The following SMIM36 variants were observed in gnomAD, a reference collection of about 807,000 sequenced individuals.
SMIM36 encodes small integral membrane protein 36.
chr17:55,463,951 A>G (rs1445090473), intron 4 of SMIM36, among the ~76,000 whole-genome samples: 1 of 152,106 alleles, frequency 6.6e-6, no homozygotes, highest in Non-Finnish European at 1.5e-5. Context: ...CCCAGACTCT[A>G]CTAAAAATAC....
At chr17:55,471,276 C>A (rs12051854) in intron 3 of SMIM36, among the ~76,000 whole-genome samples, 76,905 of 151,614 alleles carry the variant, frequency 0.51, 19,865 homozygotes, top group African/African-American at 0.58. Flanking sequence ...CGCCTGTCTG[C>A]CTCCCATCTT....
chr17:55,526,920 G>A, the SMIM36 span: 1 of 152,082 alleles, frequency 6.6e-6, no homozygotes, highest in Admixed American at 6.5e-5. Flanking sequence ...CAAGCCTCAG[G>A]GCTCAACGGT....
At chr17:55,496,085 AT>A (rs1909802104) in intron 1 of SMIM36, among the ~76,000 whole-genome samples, 1 of 152,136 alleles carries the variant, frequency 6.6e-6, no homozygotes, top group Non-Finnish European at 1.5e-5. Flanking sequence ...TCACAGATAC[AT>A]TTCCTTATAA....
chr17:55,521,768 C>G, the SMIM36 span, among the ~76,000 whole-genome samples: 13 of 152,052 alleles, frequency 8.5e-5, no homozygotes, highest in East Asian at 3.9e-4. Flanking sequence ...GAGGTGCAAG[C>G]ACCATATGGA....
the SMIM36 span, among the ~76,000 whole-genome samples, chr17:55,523,868 G>A: frequency 6.6e-6 from 1 of 151,898 alleles, no homozygotes; most frequent in Non-Finnish European, 1.5e-5. Context: ...CAAGTTTTGA[G>A]GATAACATAT....
At chr17:55,525,209 C>T in the SMIM36 span, among the ~76,000 whole-genome samples, 3 of 152,194 alleles carry the variant, frequency 2.0e-5, no homozygotes, top group Non-Finnish European at 4.4e-5. Flanking sequence ...TTAGCACCAA[C>T]CTACTTTTCA....
chr17:55,501,268 T>C (rs1223042452), intron 1 of SMIM36, among the ~76,000 whole-genome samples: 1 of 75,640 alleles, frequency 1.3e-5, no homozygotes, highest in East Asian at 3.9e-4. Flanking sequence ...TATTTTATAA[T>C]ATATTATATT....
intron 1 of SMIM36, among the ~76,000 whole-genome samples, chr17:55,507,785 G>T (rs554169714): frequency 3.5e-4 from 53 of 151,846 alleles, no homozygotes; most frequent in Non-Finnish European, 6.2e-4. Context: ...TTGCGCATGC[G>T]CACTTTACCT....
At chr17:55,498,999 C>CAAAAAAA (rs60117513) in intron 1 of SMIM36, among the ~76,000 whole-genome samples, 4 of 67,044 alleles carry the variant, frequency 6.0e-5, no homozygotes, top group Non-Finnish European at 8.9e-5. Flanking sequence ...ACTCTGTCAC[C>CAAAAAAA]AAAAAAAAAA....
intron 1 of SMIM36, among the ~76,000 whole-genome samples, chr17:55,498,467 C>T (rs1195772608): frequency 6.6e-6 from 1 of 152,102 alleles, no homozygotes; most frequent in African/African-American, 2.4e-5. Context: ...TCATGAAGTC[C>T]TCTACTTATT....
chr17:55,524,569 C>T, the SMIM36 span, among the ~76,000 whole-genome samples: 2 of 152,182 alleles, frequency 1.3e-5, no homozygotes, highest in African/African-American at 4.8e-5. Flanking sequence ...TCTCTGCAAC[C>T]TGGCCAGCAT....
intron 1 of SMIM36, among the ~76,000 whole-genome samples, chr17:55,489,851 T>A (rs9892739): frequency 0.024 from 1,362 of 56,124 alleles, 10 homozygotes; most frequent in African/African-American, 0.08. Flanking sequence ...TATTGCTCGG[T>A]TTTTTTTTGT....
intron 3 of SMIM36, among the ~76,000 whole-genome samples, chr17:55,470,889 A>G (rs1421220782): frequency 6.6e-6 from 1 of 152,078 alleles, no homozygotes; most frequent in Non-Finnish European, 1.5e-5. Flanking sequence ...CTGTTACAAC[A>G]TGGCCTCTTA....
chr17:55,528,731 G>T, the SMIM36 span, among the ~76,000 whole-genome samples: 8 of 151,806 alleles, frequency 5.3e-5, no homozygotes, highest in African/African-American at 1.9e-4. Flanking sequence ...TGTATTTTTA[G>T]TAGAGACAGG....
chr17:55,489,056 A>G (rs115900523), intron 1 of SMIM36, among the ~76,000 whole-genome samples: 61 of 152,244 alleles, frequency 4.0e-4, no homozygotes, highest in African/African-American at 1.4e-3. Flanking sequence ...ACAATAGGGA[A>G]ACTGCAGTAC....
At chr17:55,526,508 A>G in the SMIM36 span, among the ~76,000 whole-genome samples, 4 of 152,106 alleles carry the variant, frequency 2.6e-5, no homozygotes, top group Non-Finnish European at 4.4e-5. Flanking sequence ...AATGAAGCCT[A>G]GAGGTACTAT....
At chr17:55,515,449 C>T (rs1482551079), upstream of SMIM36, among the ~76,000 whole-genome samples, 1 of 152,076 alleles carries the variant, frequency 6.6e-6, no homozygotes, top group African/African-American at 2.4e-5. Context: ...ACTCATCCAC[C>T]TGGAATCTCA....
rs1204045442 is a variant in SMIM36 at position 55,504,432 on chromosome 17, C to T, written c.*174+6447G>A. ...CAGGATTAAGAATCTCACTCAAAGC[C>T]GCTCAACTACATGGAAACTGAACAA... On this transcript the variant is annotated intron_variant, in intron 1 of 4. Coordinates refer to ENST00000636752, the Ensembl canonical transcript of SMIM36. Among the ~76,000 whole-genome samples, 9 of 61,502 alleles carry T rather than the reference C, an allele frequency of 1.5e-4. 1 individual carries two copies. Among genetic ancestry groups the T allele is most frequent in the Non-Finnish European group, 1.8e-4 (7 of 38,454 alleles). The allele number at this position is 61,502 out of a possible 152,430, so 40.3% of individuals were successfully genotyped here.
At chr17:55,492,242 C>CTTTTTTTTTTT (rs770501215) in intron 1 of SMIM36, among the ~76,000 whole-genome samples, 3 of 111,284 alleles carry the variant, frequency 2.7e-5, no homozygotes, top group Non-Finnish European at 3.5e-5. Flanking sequence ...TTCTTTCTTT[C>CTTTTTTTTTTT]TTTTTTTTTT....
Sources: allele counts gnomAD v4.1 joint callset (sites outside exome capture counted in the v4.1 genomes callset), GRCh38; gene constraint gnomAD v4.1.1; transcripts MANE v1.5; gene names NCBI Gene and HGNC (gene_info 2026-07-23, HGNC 2026-07-21).